The following TMCO4 variants were observed in gnomAD, a reference collection of about 807,000 sequenced individuals.
The protein encoded by TMCO4 is transmembrane and coiled-coil domains 4, also known as transmembrane and coiled-coil domain-containing protein 4.
TMCO4 carries 58 observed loss-of-function variants against 64.7 expected under a neutral mutation model. The observed-to-expected ratio is 0.90, with a 90% CI of 0.73 to 1.12. TMCO4 has a LOEUF of 1.12. TMCO4 is among the 50% of genes most tolerant of loss of function. TMCO4 has a pLI of 0.00. For synonymous variants in TMCO4, 325 were observed against 346.1 expected (o/e 0.94, Z 0.68); for missense variants, 780 against 825.9 (o/e 0.94, Z 0.68).
At chr1:19,698,386 G>A (rs2095250500) in intron 14 of TMCO4, among the ~76,000 whole-genome samples, 1 of 152,230 alleles carries the variant, frequency 6.6e-6, no homozygotes, top group Non-Finnish European at 1.5e-5. Context: ...CCCTGGGCAA[G>A]TCACTTGCCC....
chr1:19,690,188 G>A lies in TMCO4; in HGVS notation c.1500+4246C>T, dbSNP rs143600730. On this transcript the variant is annotated intron_variant, in intron 15 of 15. Coordinates refer to ENST00000294543, the MANE Select transcript of TMCO4 (RefSeq NM_181719.7). The stretch of plus-strand genomic sequence containing the variant: ...CCTTGCTCACTCTTCAATTATCAGC[G>A]TGTCCTCATTCTTCTTGGATGCTGG... 2.3e-3 allele frequency among the ~76,000 whole-genome samples: 347 copies of A among 152,296 alleles called. 2 individuals are homozygous for A. Among genetic ancestry groups the A allele is most frequent in the African/African-American group, 7.1e-3 (296 of 41,568 alleles).
chr1:19,689,928 C>G (rs1184236451), intron 15 of TMCO4, among the ~76,000 whole-genome samples: 1 of 152,220 alleles, frequency 6.6e-6, no homozygotes, highest in Non-Finnish European at 1.5e-5. Context: ...TGAAACCCCA[C>G]CTTCAAGCCA....
At chr1:19,700,998 G>A (rs906851253) in intron 13 of TMCO4, 113 bp from the exon 14 acceptor site, 12 of 795,112 alleles carry the variant, frequency 1.5e-5, no homozygotes, top group Admixed American at 4.7e-5. Flanking sequence ...ATGCACACAC[G>A]TGAACGTGGA....
At chr1:19,696,824 G>A (rs2095240311) in intron 14 of TMCO4, among the ~76,000 whole-genome samples, 1 of 152,108 alleles carries the variant, frequency 6.6e-6, no homozygotes, top group Non-Finnish European at 1.5e-5. Flanking sequence ...CACATGTAGG[G>A]GCAGAGCAGG....
chr1:19,740,913 C>G lies in TMCO4; in HGVS notation c.906G>C (p.Leu302=), dbSNP rs756570322. The G allele has an allele frequency of 6.2e-7, 1 of 1,613,060 alleles. No individual in the cohort carries two copies. Among genetic ancestry groups the G allele is most frequent in the Non-Finnish European group, 8.5e-7 (1 of 1,179,566 alleles). Residue 302 remains leucine (L), a synonymous_variant, in exon 11 of 16, where the codon CTG becomes CTC. Coordinates refer to ENST00000294543, the MANE Select transcript of TMCO4 (RefSeq NM_181719.7). ...GGCAGTACTGCTCACGGCTGTGGGC[C>G]AGGGCAGCCCACGGGGCACTGAAGG... ...YRTFSAPWAA[L]AHSREQYCLA...
chr1:19,788,361 C>T (rs1233779197), intron 2 of TMCO4, among the ~76,000 whole-genome samples: 2 of 151,920 alleles, frequency 1.3e-5, no homozygotes, highest in Admixed American at 6.5e-5. Context: ...AAATTTGTAT[C>T]GCTTTTGAAC....
At chr1:19,709,605 T>G (rs1444563190) in intron 13 of TMCO4, among the ~76,000 whole-genome samples, 2 of 152,140 alleles carry the variant, frequency 1.3e-5, no homozygotes, top group African/African-American at 4.8e-5. Flanking sequence ...GTGAGCACAT[T>G]GACAAACTCT....
At chr1:19,705,208 T>C (rs1380422225) in intron 13 of TMCO4, among the ~76,000 whole-genome samples, 1 of 152,148 alleles carries the variant, frequency 6.6e-6, no homozygotes, top group Non-Finnish European at 1.5e-5. Flanking sequence ...CCCAGCACTT[T>C]GGGAGGCTGA....
At chr1:19,773,124 G>A (rs1432064462) in intron 4 of TMCO4, among the ~76,000 whole-genome samples, 3 of 152,140 alleles carry the variant, frequency 2.0e-5, no homozygotes, top group South Asian at 2.1e-4. Flanking sequence ...CAGGGGCGGC[G>A]GTTGCAGTGA....
At chr1:19,694,756 T>C (rs374172459) in intron 14 of TMCO4, among the ~76,000 whole-genome samples, 3 of 152,340 alleles carry the variant, frequency 2.0e-5, no homozygotes, top group Admixed American at 6.5e-5. Context: ...AGGCATGGTG[T>C]GCAGGGCTAT....
At chr1:19,696,353 C>T (rs533443056) in intron 14 of TMCO4, among the ~76,000 whole-genome samples, 1 of 152,186 alleles carries the variant, frequency 6.6e-6, no homozygotes, top group East Asian at 1.9e-4. Context: ...CATTTGAGAC[C>T]AGCCTAGGCA....
intron 13 of TMCO4, among the ~76,000 whole-genome samples, chr1:19,708,661 G>C (rs1326661832): frequency 6.6e-6 from 1 of 152,138 alleles, no homozygotes; most frequent in Non-Finnish European, 1.5e-5. Flanking sequence ...TTTCCACACA[G>C]TGAGCTTCCT....
intron 13 of TMCO4, among the ~76,000 whole-genome samples, chr1:19,727,882 G>A (rs1386356745): frequency 6.6e-6 from 1 of 152,200 alleles, no homozygotes. Flanking sequence ...CCATAAAAAT[G>A]AATGAGATCA....
At chr1:19,727,378 A>G (rs1363584769) in intron 13 of TMCO4, among the ~76,000 whole-genome samples, 1 of 152,172 alleles carries the variant, frequency 6.6e-6, no homozygotes, top group Admixed American at 6.5e-5. Flanking sequence ...ACTGATGTAC[A>G]CCACTGCTGA....
At chr1:19,689,913 C>T (rs2095178663) in intron 15 of TMCO4, among the ~76,000 whole-genome samples, 1 of 152,222 alleles carries the variant, frequency 6.6e-6, no homozygotes, top group Non-Finnish European at 1.5e-5. Flanking sequence ...GGGGTGGGTC[C>T]CTGGTGAAAC....
At chr1:19,798,733 C>A (rs1248230373) in intron 1 of TMCO4, among the ~76,000 whole-genome samples, 1 of 152,206 alleles carries the variant, frequency 6.6e-6, no homozygotes, top group African/African-American at 2.4e-5. Context: ...GCCCAGCCCT[C>A]CCTCCCCAGG....
At chr1:19,721,817 C>CAAA (rs1396103309) in intron 13 of TMCO4, among the ~76,000 whole-genome samples, 13 of 151,890 alleles carry the variant, frequency 8.6e-5, no homozygotes, top group African/African-American at 2.9e-4. Context: ...CAAAACAAAA[C>CAAA]ACAACACACA....
chr1:19,703,780 T>C (rs1053820402), intron 13 of TMCO4, among the ~76,000 whole-genome samples: 2 of 152,082 alleles, frequency 1.3e-5, no homozygotes, highest in Non-Finnish European at 2.9e-5. Flanking sequence ...ACTCCCGACC[T>C]CAGGTGATCC....
chr1:19,751,917 G>A (rs1281140008), intron 7 of TMCO4, among the ~76,000 whole-genome samples: 2 of 151,826 alleles, frequency 1.3e-5, no homozygotes, highest in South Asian at 2.1e-4. Context: ...GCGTGGTGGC[G>A]GGCATCTGTA....
Sources: allele counts gnomAD v4.1 joint callset (sites outside exome capture counted in the v4.1 genomes callset), GRCh38; gene constraint gnomAD v4.1.1; transcripts MANE v1.5; gene names NCBI Gene and HGNC (gene_info 2026-07-23, HGNC 2026-07-21).